ADRA1A: variants seen among roughly 807,000 people sequenced by gnomAD.
ADRA1A encodes the protein alpha-1A adrenergic receptor.
In ADRA1A, 31 loss-of-function variants were observed where a neutral mutation model predicts 29.6. The observed-to-expected ratio is 1.05, with a 90% CI of 0.79 to 1.41. The LOEUF (loss-of-function observed/expected upper bound fraction) is 1.41, where lower values mean the gene tolerates loss of function less well. ADRA1A is among the 40% of genes most tolerant of loss of function. The probability of loss-of-function intolerance (pLI) is 0.00; values close to 1 mark genes in which losing one functional copy is unlikely to be tolerated. For missense variants in ADRA1A, 619 were observed against 601.1 expected (o/e 1.03, Z -0.31); for synonymous variants, 311 against 254.3 (o/e 1.22, Z -2.12).
chr8:26,865,599 G>C lies in ADRA1A; in HGVS notation c.-630C>G. Reference sequence around the variant, plus strand: ...TAGGAGCACAGGTCAGGGGACGTAGGTGTGGAATATGTGCTGAGACCCAGG... The same window carrying C: ...TAGGAGCACAGGTCAGGGGACGTAGCTGTGGAATATGTGCTGAGACCCAGG... On this transcript the variant is annotated 5_prime_UTR_variant, in exon 2 of 3. Transcript: ENST00000380573. This position sits in a 1 kb window ranked among gnomAD's most constrained non-coding sequence, Gnocchi z 7.6. 1 of 987,702 alleles carries C rather than the reference G, an allele frequency of 1.0e-6. No homozygotes were observed. Among genetic ancestry groups the C allele is most frequent in the Non-Finnish European group, 1.2e-6 (1 of 831,664 alleles). The allele number at this position is 987,702 out of a possible 1,614,324, so 61.2% of individuals were successfully genotyped here.
chr8:26,813,141 T>C (rs1809531508), intron 2 of ADRA1A, among the ~76,000 whole-genome samples: 1 of 152,100 alleles, frequency 6.6e-6, no homozygotes, highest in African/African-American at 2.4e-5. Context: ...TAGTAAAACA[T>C]ACTAGGGAAA....
intron 2 of ADRA1A, among the ~76,000 whole-genome samples, chr8:26,782,916 C>G (rs1401310258): frequency 6.6e-6 from 1 of 151,780 alleles, no homozygotes; most frequent in African/African-American, 2.4e-5. Flanking sequence ...CAGAAACCCA[C>G]TGTCATCCTC....
At chr8:26,859,471 C>T (rs561525131) in intron 2 of ADRA1A, among the ~76,000 whole-genome samples, 4 of 152,176 alleles carry the variant, frequency 2.6e-5, no homozygotes, top group Admixed American at 6.5e-5. Context: ...GTAATAATAT[C>T]ACTCTGAGCA....
intron 2 of ADRA1A, among the ~76,000 whole-genome samples, chr8:26,857,371 TTAAAA>T (rs1335155247): frequency 6.6e-6 from 1 of 152,162 alleles, no homozygotes; most frequent in Non-Finnish European, 1.5e-5. Context: ...GCTTCTTATC[TTAAAA>T]TAAATTCTAG....
intron 2 of ADRA1A, among the ~76,000 whole-genome samples, chr8:26,797,718 T>A (rs1808278809): frequency 6.6e-6 from 1 of 152,202 alleles, no homozygotes; most frequent in African/African-American, 2.4e-5. Context: ...TATATAATTT[T>A]AAGAGTGTAG....
intron 2 of ADRA1A, among the ~76,000 whole-genome samples, chr8:26,802,889 G>A (rs537043865): frequency 2.3e-4 from 35 of 152,250 alleles, no homozygotes; most frequent in Admixed American, 1.4e-3. Context: ...ATACTATTCA[G>A]CCATAAGAAA....
intron 2 of ADRA1A, among the ~76,000 whole-genome samples, chr8:26,822,873 G>A (rs1007214132): frequency 1.3e-5 from 2 of 152,162 alleles, no homozygotes; most frequent in African/African-American, 4.8e-5. Context: ...AGAAAGTGGT[G>A]GGAGGAGGTG....
At chr8:26,772,338 C>T (rs1327925911) in intron 2 of ADRA1A, among the ~76,000 whole-genome samples, 6 of 152,092 alleles carry the variant, frequency 3.9e-5, no homozygotes. Flanking sequence ...TTATGAAATC[C>T]CAAACGTCCC....
intron 2 of ADRA1A, among the ~76,000 whole-genome samples, chr8:26,777,232 T>C (rs1479610291): frequency 6.6e-6 from 1 of 152,212 alleles, no homozygotes; most frequent in Admixed American, 6.5e-5. Context: ...CAGGGCTCTC[T>C]AAGAAGGTGG....
At chr8:26,826,618 T>G (rs908570266) in intron 2 of ADRA1A, among the ~76,000 whole-genome samples, 2 of 152,214 alleles carry the variant, frequency 1.3e-5, no homozygotes, top group African/African-American at 4.8e-5. Flanking sequence ...TGTGCTTACC[T>G]CCCAGTCTGA....
intron 2 of ADRA1A, among the ~76,000 whole-genome samples, chr8:26,800,100 A>C (rs1808466380): frequency 6.6e-6 from 1 of 152,138 alleles, no homozygotes; most frequent in South Asian, 2.1e-4. Flanking sequence ...CTCTACTAAA[A>C]ATACAAAACT....
intron 2 of ADRA1A, among the ~76,000 whole-genome samples, chr8:26,834,658 C>A (rs1334909135): frequency 6.6e-6 from 1 of 152,158 alleles, no homozygotes; most frequent in Non-Finnish European, 1.5e-5. Context: ...GCCATCAGCC[C>A]CTGCAGTCAG....
At chr8:26,783,893 G>A (rs867831226) in intron 2 of ADRA1A, among the ~76,000 whole-genome samples, 3 of 152,150 alleles carry the variant, frequency 2.0e-5, no homozygotes, top group African/African-American at 4.8e-5. Context: ...CATGGTTGGA[G>A]TTGGAACCTG....
chr8:26,865,588 A>AG lies in ADRA1A; in HGVS notation c.-620dup. 1.0e-6 allele frequency: 1 copy of AG among 988,086 alleles called. No individual in the cohort carries two copies. Among genetic ancestry groups the AG allele is most frequent in the South Asian group, 4.7e-5 (1 of 21,382 alleles). 61.2% of individuals were successfully genotyped at this position (988,086 alleles called of 1,614,324 possible). The stretch of plus-strand genomic sequence containing the variant: ...TCTCCAGCTTCTAGGAGCACAGGTC[A>AG]GGGGACGTAGGTGTGGAATATGTGC... On this transcript the variant is annotated 5_prime_UTR_variant, in exon 2 of 3. It introduces an in-frame stop codon into an upstream open reading frame of the 5' UTR. Coordinates refer to ENST00000380573, the MANE Select transcript of ADRA1A (RefSeq NM_000680.4). This position sits in a 1 kb window ranked among gnomAD's most constrained non-coding sequence, Gnocchi z 7.6.
chr8:26,846,355 GGGCT>G (rs1437737167), intron 2 of ADRA1A, among the ~76,000 whole-genome samples: 1 of 152,142 alleles, frequency 6.6e-6, no homozygotes, highest in East Asian at 1.9e-4. Context: ...TTGCCATTTT[GGGCT>G]GGTTAATTCT....
intron 2 of ADRA1A, among the ~76,000 whole-genome samples, chr8:26,816,589 C>T (rs544435845): frequency 1.8e-4 from 27 of 151,284 alleles, no homozygotes; most frequent in Admixed American, 9.9e-4. Flanking sequence ...TGTGTGCACA[C>T]GCTCATGTGC....
intron 2 of ADRA1A, among the ~76,000 whole-genome samples, chr8:26,757,441 T>A (rs1805237015): frequency 6.6e-6 from 1 of 151,850 alleles, no homozygotes; most frequent in African/African-American, 2.4e-5. Context: ...AAATTAGAAC[T>A]AAGATTGTGA....
chr8:26,770,244 C>T lies in ADRA1A; in HGVS notation c.1306G>A (p.Val436Ile). The T allele has an allele frequency of 6.2e-7, 1 of 1,613,422 alleles. No homozygotes were observed. The highest frequency in any genetic ancestry group is 8.5e-7 in the Non-Finnish European group (1 of 1,179,564). Reference sequence around the variant, plus strand: ...TCAAGGCTGGGGGTTGAGGGCCCTACACAGCAGCAGACCTGCAAAAAGCTT... The same window carrying T: ...TCAAGGCTGGGGGTTGAGGGCCCTATACAGCAGCAGACCTGCAAAAAGCTT... ...SKSFLQVCCCVGPSTPSLDKN... is the reference protein window; with the variant it reads ...SKSFLQVCCCIGPSTPSLDKN... The change falls in exon 3 of 3, where the codon GTA becomes ATA. Residue 436 changes from valine (V) to isoleucine (I), a missense_variant. Val to Ile is a conservative substitution (Grantham distance 29, BLOSUM62 3). Transcript: ENST00000380573.
At chr8:26,847,990 G>A (rs1812337913) in intron 2 of ADRA1A, among the ~76,000 whole-genome samples, 1 of 152,230 alleles carries the variant, frequency 6.6e-6, no homozygotes, top group Admixed American at 6.5e-5. Context: ...CTGAAGCTGA[G>A]AAGTTTGAAA....
Sources: gnomAD v4.1 joint callset for allele counts (sites outside exome capture counted in the v4.1 genomes callset) on GRCh38, gnomAD v4.1.1 for gene constraint, Gnocchi (gnomAD v3.1) non-coding constraint, MANE v1.5 for transcripts, NCBI Gene and HGNC (gene_info 2026-07-23, HGNC 2026-07-21) for gene names.